The following TRIM22 variants were observed in gnomAD, a reference collection of about 807,000 sequenced individuals.
The protein encoded by TRIM22 is E3 ubiquitin-protein ligase TRIM22.
TRIM22 carries 45 observed loss-of-function variants against 53.6 expected under a neutral mutation model. The ratio of observed to expected loss-of-function variants is 0.84; its 90% CI spans 0.66 to 1.08. The LOEUF (loss-of-function observed/expected upper bound fraction) is 1.08, where lower values mean the gene tolerates loss of function less well. Among genes scored for constraint, TRIM22 ranks in the 50% least tolerant of loss-of-function variants. The probability of loss-of-function intolerance (pLI) is 0.00; values close to 1 mark genes in which losing one functional copy is unlikely to be tolerated. For missense variants in TRIM22, 616 were observed against 590.9 expected (o/e 1.04, Z -0.44); for synonymous variants, 225 against 216.6 (o/e 1.04, Z -0.34).
chr11:5,707,767 G>A (rs796882540), intron 5 of TRIM22, among the ~76,000 whole-genome samples: 21 of 152,152 alleles, frequency 1.4e-4, no homozygotes, highest in African/African-American at 3.6e-4. Context: ...AGCCGAGGTC[G>A]CGCCACTACA....
At chr11:5,705,851 A>C (rs1374717080) in intron 4 of TRIM22, among the ~76,000 whole-genome samples, 4 of 152,162 alleles carry the variant, frequency 2.6e-5, no homozygotes, top group African/African-American at 4.8e-5. Context: ...AGACCTACTC[A>C]GTTACTTGGT....
chr11:5,700,931 T>C (rs1207407828), intron 4 of TRIM22, among the ~76,000 whole-genome samples: 1 of 141,044 alleles, frequency 7.1e-6, no homozygotes, highest in Non-Finnish European at 1.5e-5. Context: ...GGTGTGAATT[T>C]TGTCGAATAG....
intron 1 of TRIM22, among the ~76,000 whole-genome samples, chr11:5,691,358 G>A (rs570480646): frequency 5.9e-5 from 9 of 152,204 alleles, no homozygotes; most frequent in East Asian, 1.9e-4. Context: ...TGCATACACC[G>A]GTAATTAGAT....
intron 1 of TRIM22, chr11:5,691,046 A>G (rs2134169059): frequency 6.6e-6 from 1 of 152,454 alleles, no homozygotes; most frequent in East Asian, 1.9e-4. Context: ...ACTGCTGCTC[A>G]TCTCTGCAGC....
chr11:5,704,789 A>T (rs1370718002), intron 4 of TRIM22, among the ~76,000 whole-genome samples: 1 of 152,094 alleles, frequency 6.6e-6, no homozygotes, highest in Non-Finnish European at 1.5e-5. Context: ...TTTTAGTTAT[A>T]GTGGTTATAT....
intron 4 of TRIM22, among the ~76,000 whole-genome samples, chr11:5,700,789 A>G (rs1367174114): frequency 6.6e-6 from 1 of 151,302 alleles, no homozygotes; most frequent in Non-Finnish European, 1.5e-5. Context: ...ACATCCAGCT[A>G]ATTTTTGTAT....
intron 5 of TRIM22, among the ~76,000 whole-genome samples, chr11:5,707,002 C>T (rs1853469601): frequency 6.6e-6 from 1 of 151,972 alleles, no homozygotes; most frequent in African/African-American, 2.4e-5. Flanking sequence ...TTGTTTTCCT[C>T]CCTGAGAATA....
In TRIM22 at chr11:5,709,541, G is replaced by C; in HGVS notation, c.1390G>C (p.Ala464Pro). Residue 464 changes from alanine to proline, a missense_variant, in exon 8 of 8, where the codon GCA becomes CCA. Coordinates refer to ENST00000379965, the MANE Select transcript of TRIM22 (RefSeq NM_006074.5). ...ATTTTTCAATGTCACAAACCACGGA[G>C]CACTCATCTACAAGTTCTCTGGATG... ...VSFFNVTNHGALIYKFSGCRF... is the reference protein window; with the variant it reads ...VSFFNVTNHGPLIYKFSGCRF... 6.2e-7 allele frequency: 1 copy of C among 1,614,050 alleles called. No individual in the cohort carries two copies. Among genetic ancestry groups the C allele is most frequent in the Non-Finnish European group, 8.5e-7 (1 of 1,180,016 alleles).
chr11:5,704,971 G>A (rs1264324335), intron 4 of TRIM22, among the ~76,000 whole-genome samples: 2 of 152,136 alleles, frequency 1.3e-5, no homozygotes, highest in African/African-American at 4.8e-5. Flanking sequence ...CTGAGGAATG[G>A]ACCATAGAGG....
Position 5,709,708 on chromosome 11 carries a change from G to A in TRIM22, c.*60G>A. On this transcript the variant is annotated 3_prime_UTR_variant, in exon 8 of 8. Coordinates refer to ENST00000379965, the MANE Select transcript of TRIM22 (RefSeq NM_006074.5). ...GCCCTTGTGCTGAGACTCAGATTCT[G>A]CACCTGAGTTCATCTCTACTGAGAC... 7.1e-7 allele frequency: 1 copy of A among 1,414,450 alleles called. No individual in the cohort carries two copies. The highest frequency in any genetic ancestry group is 9.7e-7 in the Non-Finnish European group (1 of 1,031,780). The allele number at this position is 1,414,450 out of a possible 1,614,324, so 87.6% of individuals were successfully genotyped here.
chr11:5,707,345 T>C (rs1199475817), intron 5 of TRIM22, among the ~76,000 whole-genome samples: 1 of 152,170 alleles, frequency 6.6e-6, no homozygotes, highest in Non-Finnish European at 1.5e-5. Context: ...CTCTTCAATA[T>C]AGGATCCTAC....
intron 4 of TRIM22, among the ~76,000 whole-genome samples, chr11:5,699,530 CAAAAAAAAAAAAAAAAAAAAAA>C (rs71053298): frequency 3.2e-4 from 9 of 28,522 alleles, no homozygotes; most frequent in Middle Eastern, 0.036. Flanking sequence ...GACTCCGTCT[CAAAAAAAAAAAAAAAAAAAAAA>C]AAAAAAAAAA....
At chr11:5,698,009 A>T in intron 3 of TRIM22, 1 of 284,842 alleles carries the variant, frequency 3.5e-6, no homozygotes, top group Non-Finnish European at 6.9e-6. Flanking sequence ...GGCCAGGTAG[A>T]GGGATTTAAG....
chr11:5,692,999 C>T (rs1052317129), intron 1 of TRIM22, among the ~76,000 whole-genome samples: 7 of 151,484 alleles, frequency 4.6e-5, no homozygotes, highest in South Asian at 2.1e-4. Context: ...CCTCAGCCTC[C>T]AGAGTAGCGG....
chr11:5,697,330 G>C lies in TRIM22; in HGVS notation c.506G>C (p.Arg169Thr). The C allele has an allele frequency of 1.9e-6, 3 of 1,613,110 alleles. No individual in the cohort carries two copies. The highest frequency in any genetic ancestry group is 1.7e-6 in the Non-Finnish European group (2 of 1,179,522). ...EKLEDDIRQE[R>T]TAWKNYIQIE... ...CTGGAAGATGACATCAGACAAGAGA[G>C]AACCGCCTGGAAGGCAGGAGGAGAC... The change falls in exon 3 of 8, where the codon AGA becomes ACA. Residue 169 changes from arginine (R) to threonine (T), a missense_variant. Coordinates refer to ENST00000379965, the MANE Select transcript of TRIM22 (RefSeq NM_006074.5).
intron 4 of TRIM22, among the ~76,000 whole-genome samples, chr11:5,703,190 C>G (rs1415705233): frequency 2.0e-5 from 3 of 152,154 alleles, no homozygotes; most frequent in Non-Finnish European, 4.4e-5. Context: ...TTTCAACTCA[C>G]ACACCCTCCT....
chr11:5,702,069 A>G (rs926950189), intron 4 of TRIM22, among the ~76,000 whole-genome samples: 10 of 146,762 alleles, frequency 6.8e-5, no homozygotes, highest in Non-Finnish European at 1.5e-4. Context: ...ACTAATATAC[A>G]TCACAAATAT....
In TRIM22 at chr11:5,709,041, T is replaced by C. The variant is rs1157086396; in HGVS notation, c.902-12T>C. ...CCATATCCTTCACTTGACTTGGTAATTTTTTCTACAGTGGACGTGATGCTG... is the reference window on the plus strand; with the variant it reads ...CCATATCCTTCACTTGACTTGGTAACTTTTTCTACAGTGGACGTGATGCTG... On this transcript the variant is annotated splice_polypyrimidine_tract_variant and intron_variant, in intron 7 of 7. Coordinates refer to ENST00000379965, the MANE Select transcript of TRIM22 (RefSeq NM_006074.5). 6.2e-7 allele frequency: 1 copy of C among 1,604,544 alleles called. No individual in the cohort carries two copies. Among genetic ancestry groups the C allele is most frequent in the African/African-American group, 1.3e-5 (1 of 74,682 alleles).
rs764427236 is a variant in TRIM22, at chr11:5,698,372, A to G, written c.577A>G (p.Ile193Val). The G allele has an allele frequency of 4.3e-5, 70 of 1,614,098 alleles. 2 individuals carry two copies. In the Admixed American group the frequency reaches 1.1e-3, roughly 27 times the overall value. The change falls in exon 4 of 8, where the codon ATC (isoleucine) becomes GTC (valine). Residue 193 changes from isoleucine to valine, a missense_variant. By Grantham distance (29) the Ile-to-Val change is conservative. Transcript: ENST00000379965. The part of the protein sequence containing the change: ...ILKGFNEMRV[I>V]LDNEEQRELQ... ...GAAAGGGTTCAATGAAATGAGAGTC[A>G]TCTTGGACAATGAGGAGCAGAGAGA...
Sources: gnomAD v4.1 joint callset for allele counts (sites outside exome capture counted in the v4.1 genomes callset) on GRCh38, gnomAD v4.1.1 for gene constraint, MANE v1.5 for transcripts, NCBI Gene and HGNC (gene_info 2026-07-23, HGNC 2026-07-21) for gene names.